TFR2: variants seen among roughly 807,000 people sequenced by gnomAD.
The protein encoded by TFR2 is transferrin receptor protein 2.
A neutral mutation model predicts 91.9 loss-of-function variants in TFR2; 64 were observed. That is an observed-to-expected ratio of 0.70 (90% CI 0.57 to 0.86). TFR2 has a LOEUF of 0.86. TFR2 is among the 40% of genes least tolerant of loss of function. The pLI is 0.00. For missense variants in TFR2, 950 were observed against 1,080.5 expected, an observed-to-expected ratio of 0.88 and a Z score of 1.69; for synonymous variants, 454 against 459.6, an observed-to-expected ratio of 0.99 and a Z score of 0.15.
chr7:100,627,514 G>A (rs919600435), intron 15 of TFR2, 23 bp from the exon 16 acceptor site: 34 of 1,613,548 alleles, frequency 2.1e-5, no homozygotes, highest in Non-Finnish European at 2.8e-5. Context: ...GGTGGACGCT[G>A]GGGCGGAGGC....
chr7:100,631,969 C>G, intron 7 of TFR2, 24 bp from the exon 8 acceptor site: 2 of 1,614,046 alleles, frequency 1.2e-6, no homozygotes, highest in Non-Finnish European at 8.5e-7. Flanking sequence ...GGTGCCCACG[C>G]AAAGCTGCGA....
At position 100,620,942 on chromosome 7, in the gene TFR2, C is replaced by T. The variant is rs763388776; in HGVS notation, c.2321G>A (p.Arg774His). Residue 774 changes from arginine (R) to histidine (H), a missense_variant, in exon 18 of 18, where the codon CGT becomes CAT. Transcript: ENST00000223051. ...CGTCCAGGTGAGCAGGGCTAGCTGA[C>T]GCCGGAAACGGCTCTCCTGGAAGCC... ...STGFQESRFR[R>H]QLALLTWTLQ... 1.7e-5 allele frequency: 27 copies of T among 1,613,928 alleles called. No individual in the cohort carries two copies. The highest frequency in any genetic ancestry group is 5.3e-5 in the African/African-American group (4 of 74,950).
intron 17 of TFR2, among the ~76,000 whole-genome samples, chr7:100,625,223 C>T (rs1803224059): frequency 6.6e-6 from 1 of 151,896 alleles, no homozygotes; most frequent in Non-Finnish European, 1.5e-5. Context: ...CCATGCCCAG[C>T]TAATTTTGTA....
chr7:100,631,232 G>A (rs773806956), intron 8 of TFR2, among the ~76,000 whole-genome samples, 180 bp from the exon 9 acceptor site: 17 of 151,886 alleles, frequency 1.1e-4, no homozygotes, highest in Non-Finnish European at 2.2e-4. Context: ...TGAGGTAGGT[G>A]TGCAATCCAG....
chr7:100,632,717 TA>T (rs35124485), intron 6 of TFR2: 105,951 of 203,692 alleles, frequency 0.52, 17,411 homozygotes, highest in African/African-American at 0.75. Context: ...CCCAGCTAAC[TA>T]AAAAAAAAAA....
At chr7:100,628,381 G>A in intron 10 of TFR2, 75 bp from the exon 11 acceptor site, 3 of 1,381,684 alleles carry the variant, frequency 2.2e-6, no homozygotes, top group Non-Finnish European at 3.1e-6. Context: ...CTTCTGTCCT[G>A]GTCCCCCAGG....
In TFR2 at chr7:100,620,726, G is replaced by T; in HGVS notation, c.*131C>A. 1.5e-6 allele frequency: 2 copies of T among 1,299,114 alleles called. No individual in the cohort carries two copies. The highest frequency in any genetic ancestry group is 4.9e-5 in the East Asian group (2 of 40,862). The allele number at this position is 1,299,114 out of a possible 1,614,324, so 80.5% of individuals were successfully genotyped here. On this transcript the variant is annotated 3_prime_UTR_variant, in exon 18 of 18. Coordinates refer to ENST00000223051, the MANE Select transcript of TFR2 (RefSeq NM_003227.4). ...TGGGGTCTGGGCTCCGTGGAGAGAT[G>T]TGTAGGGGTAATGAGAAATTGATCA...
In TFR2 at chr7:100,633,061, G is replaced by A; in HGVS notation, c.789C>T (p.Gly263=). The part of the protein sequence containing the change: ...PEDLQDLRAR[G]VDPVGRLLLV... The stretch of plus-strand genomic sequence containing the variant: ...GCAGCAGGCGGCCCACTGGATCCAC[G>A]CCCCTGGCCCGCAGGTCCTGCAGGT... The change falls in exon 6 of 18, where the codon GGC becomes GGT. Residue 263 remains glycine, a synonymous_variant. Coordinates refer to ENST00000223051, the MANE Select transcript of TFR2 (RefSeq NM_003227.4). The A allele has an allele frequency of 6.2e-7, 1 of 1,613,600 alleles. No homozygotes were observed. The highest frequency in any genetic ancestry group is 8.5e-7 in the Non-Finnish European group (1 of 1,179,972).
Position 100,634,177 on chromosome 7 carries a change from AACACACACACACACACACACAC to A in TFR2, c.474-643_474-622del, listed in dbSNP as rs3076877. Reference sequence around the variant, plus strand: ...CCCCAACCTCGTTCCTCCCGACGTCAACACACACACACACACACACACACACACACACACACACACACAGCAC... The same window carrying A: ...CCCCAACCTCGTTCCTCCCGACGTCAACACACACACACACACACACAGCAC... On this transcript the variant is annotated intron_variant, in intron 3 of 17. Transcript: ENST00000223051. 6.0e-5 allele frequency among the ~76,000 whole-genome samples: 8 copies of A among 132,802 alleles called. No homozygotes were observed. The East Asian group carries it at 1.3e-3, about 22-fold the overall frequency. The allele number at this position is 132,802 out of a possible 152,430, so 87.1% of individuals were successfully genotyped here. A position where few individuals can be genotyped will look rare whatever the true frequency, so the allele number is the denominator to read the frequency against.
At chr7:100,640,594 A>C in intron 3 of TFR2, 92 bp downstream of exon 3, 1 of 1,441,212 alleles carries the variant, frequency 6.9e-7, no homozygotes, top group Non-Finnish European at 9.5e-7. Flanking sequence ...GGACCCAGAC[A>C]CCAGAGGCCT....
intron 17 of TFR2, among the ~76,000 whole-genome samples, chr7:100,624,205 G>A (rs1016510622): frequency 2.0e-5 from 3 of 152,030 alleles, no homozygotes; most frequent in South Asian, 4.1e-4. Flanking sequence ...ACAGTTGATC[G>A]ATAACACCAC....
rs1803288651 is a variant in TFR2, at chr7:100,627,269, G to C, written c.1990C>G (p.Leu664Val). 2 of 1,548,988 alleles carry C rather than the reference G, an allele frequency of 1.3e-6. No homozygotes were observed. Among genetic ancestry groups the C allele is most frequent in the African/African-American group, 2.7e-5 (2 of 72,982 alleles). ...GCGGGGTGGGCCTCTTGAACCTTGAGGTCCCCAGAGAACTCGTTGAGGTTC... is the reference window on the plus strand; with the variant it reads ...GCGGGGTGGGCCTCTTGAACCTTGACGTCCCCAGAGAACTCGTTGAGGTTC... ...IGNLNEFSGD[L>V]KARGLTLQWV... The change falls in exon 16 of 18, where the codon CTC (leucine) becomes GTC (valine). Residue 664 changes from leucine (L) to valine (V), a missense_variant. Physicochemically the swap from Leu to Val is conservative, Grantham distance 32 (BLOSUM62 1). Transcript: ENST00000223051.
chr7:100,626,683 A>G (rs1803258872), intron 17 of TFR2, 80 bp downstream of exon 17: 7 of 1,519,816 alleles, frequency 4.6e-6, no homozygotes, highest in Non-Finnish European at 6.2e-6. Context: ...AGGAGCGCGC[A>G]GACGGGGCCA....
rs41296648 is a variant in TFR2 at position 100,620,741 on chromosome 7, G to A, written c.*116C>T. ...GTGGAGAGATGTGTAGGGGTAATGA[G>A]AAATTGATCAGCAATGAGAGGTGGA... On this transcript the variant is annotated 3_prime_UTR_variant, in exon 18 of 18. Transcript: ENST00000223051. 4.7e-4 allele frequency: 677 copies of A among 1,447,592 alleles called. 1 individual carries two copies. The African/African-American group carries it at 8.7e-3, about 19-fold the overall frequency. The allele number at this position is 1,447,592 out of a possible 1,614,324, so 89.7% of individuals were successfully genotyped here.
At position 100,626,762 on chromosome 7, in the gene TFR2, C is replaced by T. The variant is rs781427471; in HGVS notation, c.2136+1G>A. On this transcript the variant is annotated splice_donor_variant, in intron 17 of 17. Coordinates refer to ENST00000223051, the MANE Select transcript of TFR2 (RefSeq NM_003227.4). LOFTEE classifies it high-confidence loss of function. ...GCGGGGCGAGGAGGGCGGGGCCTCA[C>T]CCGCATTATGCGCACGTTGTACATG... 2 of 1,543,712 alleles carry T rather than the reference C, an allele frequency of 1.3e-6. No homozygotes were observed. The highest frequency in any genetic ancestry group is 1.2e-5 in the South Asian group (1 of 84,004).
intron 17 of TFR2, among the ~76,000 whole-genome samples, chr7:100,624,164 A>C (rs977794484): frequency 6.6e-6 from 1 of 152,194 alleles, no homozygotes; most frequent in Non-Finnish European, 1.5e-5. Flanking sequence ...CTTAACATCC[A>C]AACTTCTAAT....
intron 3 of TFR2, among the ~76,000 whole-genome samples, chr7:100,639,442 G>A (rs1207578376): frequency 6.6e-6 from 1 of 152,174 alleles, no homozygotes; most frequent in African/African-American, 2.4e-5. Context: ...ATTTTAAAAA[G>A]CTGTCTGGAG....
In TFR2 at chr7:100,627,634, A is replaced by T. The variant is rs1292963398; in HGVS notation, c.1710T>A (p.Ser570Arg). 1.9e-6 allele frequency: 3 copies of T among 1,614,016 alleles called. No individual in the cohort carries two copies. The highest frequency in any genetic ancestry group is 2.5e-6 in the Non-Finnish European group (3 of 1,180,006). Residue 570 changes from serine to arginine, a missense_variant, in exon 15 of 18, where the codon AGT (serine) becomes AGA (arginine). Physicochemically the swap from Ser to Arg is moderately radical, Grantham distance 110. Coordinates refer to ENST00000223051, the MANE Select transcript of TFR2 (RefSeq NM_003227.4). ...EVIRPLPMDS[S>R]AYSFTAFVGV... The stretch of plus-strand genomic sequence containing the variant: ...CCACAAAGGCCGTGAAGGAATAGGC[A>T]CTGCTGTCCATGGGTAGGGGCCGGA...
At chr7:100,621,501 G>A (rs1487686992) in intron 17 of TFR2, among the ~76,000 whole-genome samples, 5 of 152,162 alleles carry the variant, frequency 3.3e-5, no homozygotes, top group Non-Finnish European at 2.9e-5. Flanking sequence ...TGATCCGCCC[G>A]CCTTGGCCTC....
Sources: gnomAD v4.1 joint callset for allele counts (sites outside exome capture counted in the v4.1 genomes callset) on GRCh38, gnomAD v4.1.1 for gene constraint, MANE v1.5 for transcripts, NCBI Gene and HGNC (gene_info 2026-07-23, HGNC 2026-07-21) for gene names.